SLC2A11: variants seen among roughly 807,000 people sequenced by gnomAD.
SLC2A11 encodes the protein solute carrier family 2, facilitated glucose transporter member 11.
In SLC2A11, 43 loss-of-function variants were observed where a neutral mutation model predicts 52.1. That is an observed-to-expected ratio of 0.82 (90% CI 0.65 to 1.06). The LOEUF (loss-of-function observed/expected upper bound fraction) is 1.06, where lower values mean the gene tolerates loss of function less well. SLC2A11 is among the 50% of genes least tolerant of loss of function. The pLI is 0.00. For missense variants in SLC2A11, 582 were observed against 654.2 expected (o/e 0.89, Z 1.20); for synonymous variants, 261 against 277.6 (o/e 0.94, Z 0.59).
rs2032920857 is a variant in SLC2A11, at chr22:23,884,104, G to A, written c.1171+80G>A. 1.3e-6 allele frequency: 2 copies of A among 1,559,572 alleles called. No individual in the cohort carries two copies. Among genetic ancestry groups the A allele is most frequent in the Non-Finnish European group, 1.7e-6 (2 of 1,152,032 alleles). ...GTGCCTGGGTGCACAGTGGGTGGGT[G>A]TGAATGCAATGTCCCCTGCAGGCCC... On this transcript the variant is annotated intron_variant, in intron 10 of 11. Coordinates refer to ENST00000316185, the MANE Select transcript of SLC2A11 (RefSeq NM_001024939.4). The surrounding 1 kb of genome is among the most constrained non-coding windows in gnomAD (Gnocchi z 4.3).
intron 1 of SLC2A11, among the ~76,000 whole-genome samples, chr22:23,860,631 G>A (rs1428680807): frequency 6.6e-6 from 1 of 151,712 alleles, no homozygotes; most frequent in African/African-American, 2.4e-5. Flanking sequence ...CTACTCGGGA[G>A]GCTGAGGCAG....
At chr22:23,857,588 GCGGCGGCGACTCCC>G (rs2031889255), upstream of SLC2A11, 2 of 855,596 alleles carry the variant, frequency 2.3e-6, no homozygotes, top group East Asian at 1.1e-4. Flanking sequence ...CCCCCCCCCC[GCGGCGGCGACTCCC>G]CCCCAACACG....
chr22:23,877,117 G>A lies in SLC2A11; in HGVS notation c.491G>A (p.Ser164Asn). 4 of 1,613,918 alleles carry A rather than the reference G, an allele frequency of 2.5e-6. No individual in the cohort carries two copies. The highest frequency in any genetic ancestry group is 3.4e-6 in the Non-Finnish European group (4 of 1,179,950). Residue 164 changes from serine (S) to asparagine (N), a missense_variant, in exon 5 of 12, where the codon AGC becomes AAC. Physicochemically the swap from Ser to Asn is conservative, Grantham distance 46. Transcript: ENST00000316185. ...PKELRGAVAM[S>N]SAIFTALGIV... Reference sequence around the variant, plus strand: ...GAGCTCCGAGGAGCTGTGGCCATGAGCTCAGCCATCTTTACGGCTCTGGGG... The same window carrying A: ...GAGCTCCGAGGAGCTGTGGCCATGAACTCAGCCATCTTTACGGCTCTGGGG...
intron 1 of SLC2A11, among the ~76,000 whole-genome samples, chr22:23,859,476 G>T (rs1454915989): frequency 1.4e-5 from 2 of 141,492 alleles, no homozygotes; most frequent in African/African-American, 5.3e-5. Context: ...CTTCCTGGCT[G>T]AGATAAACAT....
intron 5 of SLC2A11, chr22:23,877,486 G>A (rs1568993672): frequency 1.3e-6 from 1 of 771,514 alleles, no homozygotes; most frequent in Admixed American, 2.0e-5. Context: ...GGAGAAGGCA[G>A]AGCCTGGACC....
chr22:23,882,775 C>T lies in SLC2A11; in HGVS notation c.899C>T (p.Ser300Phe). The T allele has an allele frequency of 6.2e-7, 1 of 1,613,186 alleles. No individual in the cohort carries two copies. The highest frequency in any genetic ancestry group is 8.5e-7 in the Non-Finnish European group (1 of 1,179,598). ...CGNDSVYAYA[S>F]SVFRKAGVPE... is the part of the protein sequence containing the mutation. ...CTCTCCCAGGTGTACGCCTACGCCT[C>T]CTCCGTGTTCCGGAAGGCAGGAGTG... is the stretch of plus-strand genomic sequence containing the variant. Residue 300 changes from serine to phenylalanine, a missense_variant, in exon 8 of 12, where the codon TCC becomes TTC. Transcript: ENST00000316185.
chr22:23,868,536 C>A lies in SLC2A11; in HGVS notation c.185C>A (p.Pro62His). 6.2e-7 allele frequency: 1 copy of A among 1,614,206 alleles called. No individual in the cohort carries two copies. Among genetic ancestry groups the A allele is most frequent in the Non-Finnish European group, 8.5e-7 (1 of 1,180,032 alleles). ...CAGGCGCGTACTGGAGAGCCACTGCCCGATCACCTAGTCCTGCTTATGTGG... is the reference window on the plus strand; with the variant it reads ...CAGGCGCGTACTGGAGAGCCACTGCACGATCACCTAGTCCTGCTTATGTGG... ...TWQARTGEPLPDHLVLLMWSL... is the reference protein window; with the variant it reads ...TWQARTGEPLHDHLVLLMWSL... Residue 62 changes from proline to histidine, a missense_variant, in exon 3 of 12, where the codon CCC (proline) becomes CAC (histidine). Pro to His is a moderately conservative substitution (Grantham distance 77). Transcript: ENST00000316185.
intron 3 of SLC2A11, among the ~76,000 whole-genome samples, chr22:23,873,728 G>A (rs547476176): frequency 1.3e-5 from 2 of 152,280 alleles, no homozygotes; most frequent in South Asian, 2.1e-4. Context: ...CTAGATTGAA[G>A]TACTTAATTA....
At chr22:23,877,253 C>A in intron 5 of SLC2A11, 82 bp downstream of exon 5, 1 of 1,566,760 alleles carries the variant, frequency 6.4e-7, no homozygotes, top group Non-Finnish European at 8.7e-7. Flanking sequence ...CTCCCCTACC[C>A]ACTAGTAGAT....
chr22:23,861,145 A>T lies in SLC2A11; in HGVS notation c.31-959A>T, dbSNP rs184861968. Among the ~76,000 whole-genome samples the T allele has an allele frequency of 4.0e-3, 612 of 151,222 alleles. 6 individuals carry two copies. The highest frequency in any genetic ancestry group is 0.021 in the East Asian group (107 of 5,104). Reference sequence around the variant, plus strand: ...CAGGCATGAGCCACTGCGCCCGGCCAATTTTTGTGTTTTTAGTAGAGATGG... The same window carrying T: ...CAGGCATGAGCCACTGCGCCCGGCCTATTTTTGTGTTTTTAGTAGAGATGG... On this transcript the variant is annotated intron_variant, in intron 1 of 11. Transcript: ENST00000316185.
intron 3 of SLC2A11, among the ~76,000 whole-genome samples, chr22:23,873,453 G>A (rs576175997): frequency 7.2e-5 from 11 of 152,098 alleles, no homozygotes; most frequent in African/African-American, 2.4e-4. Context: ...GGGATTACAG[G>A]TGCCTGCCAC....
chr22:23,874,328 C>G (rs991858763), intron 3 of SLC2A11, among the ~76,000 whole-genome samples: 1 of 152,098 alleles, frequency 6.6e-6, no homozygotes, highest in African/African-American at 2.4e-5. Context: ...ACTCTGTCAC[C>G]GAGGCTGGAG....
upstream of SLC2A11, chr22:23,857,577 ACC>A (rs750630400): frequency 5.1e-6 from 6 of 1,170,782 alleles, no homozygotes; most frequent in African/African-American, 3.9e-5. Context: ...GTGACCCCAA[ACC>A]CCCCCCCCGC....
rs772886467 is a variant in SLC2A11, at chr22:23,877,738, C to T, written c.563C>T (p.Pro188Leu). 3.3e-5 allele frequency: 53 copies of T among 1,598,130 alleles called. No homozygotes were observed. In the Admixed American group the frequency reaches 8.6e-4, roughly 26 times the overall value. Reference protein sequence around the residue: ...VVGLRELLGGPQAWPLLLASC... With the variant: ...VVGLRELLGGLQAWPLLLASC... ...CTCCTTAGGGAGCTCCTAGGTGGCC[C>T]TCAGGCCTGGCCCCTGCTGCTGGCC... Residue 188 changes from proline (P) to leucine (L), a missense_variant, in exon 6 of 12, where the codon CCT (proline) becomes CTT (leucine). By Grantham distance (98) the Pro-to-Leu change is moderately conservative. Transcript: ENST00000316185.
chr22:23,871,924 A>G (rs1363414132), intron 3 of SLC2A11: 2 of 152,176 alleles, frequency 1.3e-5, no homozygotes, highest in African/African-American at 2.4e-5. Flanking sequence ...ACTCAACCTT[A>G]GTAGGAGGGT....
chr22:23,862,571 T>C (rs1169512528), intron 2 of SLC2A11, among the ~76,000 whole-genome samples: 1 of 152,064 alleles, frequency 6.6e-6, no homozygotes, highest in Non-Finnish European at 1.5e-5. Flanking sequence ...ACTGGCCTCC[T>C]TGCCTTCAGC....
intron 2 of SLC2A11, among the ~76,000 whole-genome samples, chr22:23,863,186 G>A (rs868289472): frequency 6.6e-6 from 1 of 152,128 alleles, no homozygotes; most frequent in Admixed American, 6.5e-5. Context: ...CTTCCACGGA[G>A]GGGCCCTCTC....
Position 23,877,804 on chromosome 22 carries a change from C to T in SLC2A11, c.629C>T (p.Pro210Leu), listed in dbSNP as rs1364816957. The change falls in exon 6 of 12, where the codon CCT becomes CTT. Residue 210 changes from proline to leucine, a missense_variant. Pro to Leu is a moderately conservative substitution (Grantham distance 98). Transcript: ENST00000316185. The stretch of plus-strand genomic sequence containing the variant: ...GGGGCGCTCCAGCTCGCCTCCCTGC[C>T]TCTGCTCCCTGAAAGCCCGCGCTAC... ...VPGALQLASLPLLPESPRYLL... is the reference protein window; with the variant it reads ...VPGALQLASLLLLPESPRYLL... The T allele has an allele frequency of 6.2e-7, 1 of 1,612,968 alleles. No homozygotes were observed. The highest frequency in any genetic ancestry group is 1.1e-5 in the South Asian group (1 of 90,734).
rs759181646 is a variant in SLC2A11 at position 23,877,101 on chromosome 22, G to C, written c.475G>C (p.Gly159Arg). 10 of 1,613,826 alleles carry C rather than the reference G, an allele frequency of 6.2e-6. No individual in the cohort carries two copies. The African/African-American group carries it at 1.3e-4, about 22-fold the overall frequency. ...GGAGAGCGCCCCTAAGGAGCTCCGAGGAGCTGTGGCCATGAGCTCAGCCAT... is the reference window on the plus strand; with the variant it reads ...GGAGAGCGCCCCTAAGGAGCTCCGACGAGCTGTGGCCATGAGCTCAGCCAT... ...LGESAPKELR[G>R]AVAMSSAIFT... The change falls in exon 5 of 12, where the codon GGA (glycine) becomes CGA (arginine). Residue 159 changes from glycine to arginine, a missense_variant. Transcript: ENST00000316185.
Sources: allele counts gnomAD v4.1 joint callset (sites outside exome capture counted in the v4.1 genomes callset), GRCh38; gene constraint gnomAD v4.1.1; non-coding constraint Gnocchi (gnomAD v3.1); transcripts MANE v1.5; gene names NCBI Gene and HGNC (gene_info 2026-07-23, HGNC 2026-07-21).